Variants in EPHA3 observed in about 807,000 individuals in gnomAD.
The protein encoded by EPHA3 is EPH receptor A3.
Under a neutral mutation model 107.1 loss-of-function variants are expected in EPHA3, and 42 were observed. That is an observed-to-expected ratio of 0.39 (90% CI 0.31 to 0.51). The LOEUF (loss-of-function observed/expected upper bound fraction) is 0.51. Among genes scored for constraint, EPHA3 ranks in the 20% least tolerant of loss-of-function variants. The pLI, the probability that EPHA3 is intolerant of heterozygous loss-of-function variation, is 0.78. For synonymous variants in EPHA3, 461 were observed against 424.8 expected (o/e 1.09, Z -1.05); for missense variants, 1,183 against 1,211.2 (o/e 0.98, Z 0.35).
In EPHA3 at chr3:89,362,178, T is replaced by TA. The variant is rs145544942; in HGVS notation, c.1306+20089dup. 2.2e-3 allele frequency among the ~76,000 whole-genome samples: 335 copies of TA among 151,286 alleles called. 14 individuals carry two copies. In the East Asian group the frequency reaches 0.059, roughly 27 times the overall value. ...ATCTTCTTCAAGCGCAAGTAGCTGC[T>TA]ATTAATCCAGAAGATCTTCATTTCT... On this transcript the variant is annotated intron_variant, in intron 5 of 16. Coordinates refer to ENST00000336596, the MANE Select transcript of EPHA3 (RefSeq NM_005233.6).
rs564861603 is a variant in EPHA3 at position 89,353,466 on chromosome 3, T to C, written c.1306+11376T>C. Among the ~76,000 whole-genome samples the C allele has an allele frequency of 9.2e-5, 14 of 151,486 alleles. 1 individual carries two copies. In the South Asian group the frequency reaches 1.9e-3, roughly 20 times the overall value. The stretch of plus-strand genomic sequence containing the variant: ...TCAAAGTCTTAACATTTTGTTTATC[T>C]CAACAAACAAATGACGTCTGAATTT... On this transcript the variant is annotated intron_variant, in intron 5 of 16. Coordinates refer to ENST00000336596, the MANE Select transcript of EPHA3 (RefSeq NM_005233.6).
chr3:89,430,688 T>A (rs1576374060), intron 12 of EPHA3, among the ~76,000 whole-genome samples: 1 of 152,180 alleles, frequency 6.6e-6, no homozygotes, highest in East Asian at 1.9e-4. Flanking sequence ...AATTATGAAC[T>A]AATTATTTAT....
intron 5 of EPHA3, among the ~76,000 whole-genome samples, chr3:89,382,260 C>A (rs1406595806): frequency 6.6e-6 from 1 of 151,948 alleles, no homozygotes; most frequent in Non-Finnish European, 1.5e-5. Context: ...GTAATCTTGG[C>A]ACTTTGAGAG....
chr3:89,134,617 T>C (rs944121951), intron 2 of EPHA3, among the ~76,000 whole-genome samples: 1 of 152,206 alleles, frequency 6.6e-6, no homozygotes, highest in African/African-American at 2.4e-5. Flanking sequence ...CAGTCTATCA[T>C]TGTTCGACAT....
intron 4 of EPHA3, 145 bp downstream of exon 4, chr3:89,341,216 C>A: frequency 1.2e-6 from 1 of 818,068 alleles, no homozygotes. Context: ...CTTCACTCCC[C>A]ATGCTTGGCT....
At chr3:89,413,414 A>G in intron 10 of EPHA3, 148 bp downstream of exon 10, 1 of 1,032,420 alleles carries the variant, frequency 9.7e-7, no homozygotes, top group South Asian at 1.5e-5. Context: ...TATTTAATGG[A>G]ATGTAATGAG....
At chr3:89,475,371 A>G (rs1681569582) in intron 16 of EPHA3, among the ~76,000 whole-genome samples, 1 of 152,218 alleles carries the variant, frequency 6.6e-6, no homozygotes, top group Admixed American at 6.5e-5. Context: ...CTCCTAGAAT[A>G]GAAAAAGATA....
chr3:89,413,675 T>C (rs1335641844), intron 10 of EPHA3, among the ~76,000 whole-genome samples: 1 of 151,804 alleles, frequency 6.6e-6, no homozygotes, highest in Non-Finnish European at 1.5e-5. Context: ...CAAAGTAATA[T>C]CATGACTCAT....
At chr3:89,368,109 A>G (rs114188834) in intron 5 of EPHA3, among the ~76,000 whole-genome samples, 2,343 of 150,520 alleles carry the variant, frequency 0.016, 65 homozygotes, top group African/African-American at 0.054. Context: ...AGAGCTGAGC[A>G]GAAGATTTCA....
chr3:89,388,774 C>T (rs961848283), intron 5 of EPHA3, among the ~76,000 whole-genome samples: 6 of 152,166 alleles, frequency 3.9e-5, no homozygotes, highest in Middle Eastern at 3.2e-3. Context: ...CTATCATCTT[C>T]TTAAAAATAC....
rs1188065946 is a variant in EPHA3, at chr3:89,107,676, A to G, written c.-73A>G. On this transcript the variant is annotated 5_prime_UTR_variant, in exon 1 of 17. Coordinates refer to ENST00000336596, the MANE Select transcript of EPHA3 (RefSeq NM_005233.6). ...GAGCATGGTAACTTCTCCAGCAATC[A>G]GAGCGCTCCCCCTCACATCAGTGGC... 11 of 1,376,148 alleles carry G rather than the reference A, an allele frequency of 8.0e-6. No individual in the cohort carries two copies. Among genetic ancestry groups the G allele is most frequent in the Non-Finnish European group, 1.1e-5 (11 of 970,158 alleles). The allele number at this position is 1,376,148 out of a possible 1,614,324, so 85.2% of individuals were successfully genotyped here. A position where few individuals can be genotyped will look rare whatever the true frequency, so the allele number is the denominator to read the frequency against.
At chr3:89,129,247 A>G (rs1287446770) in intron 2 of EPHA3, among the ~76,000 whole-genome samples, 1 of 152,104 alleles carries the variant, frequency 6.6e-6, no homozygotes, top group Non-Finnish European at 1.5e-5. Flanking sequence ...TCTTTGGTTT[A>G]CTGTTGCCTC....
At chr3:89,144,140 GT>G (rs1017606267) in intron 2 of EPHA3, among the ~76,000 whole-genome samples, 1 of 151,556 alleles carries the variant, frequency 6.6e-6, no homozygotes, top group African/African-American at 2.4e-5. Flanking sequence ...AGTTCTGTTG[GT>G]TTTGCCAAAT....
At chr3:89,408,024 A>G in intron 8 of EPHA3, 43 bp from the exon 9 acceptor site, 1 of 1,569,378 alleles carries the variant, frequency 6.4e-7, no homozygotes, top group Non-Finnish European at 8.7e-7. Flanking sequence ...ACTATTTTAA[A>G]TATATTCCTC....
intron 5 of EPHA3, among the ~76,000 whole-genome samples, chr3:89,388,269 G>C (rs189954370): frequency 6.6e-6 from 1 of 152,210 alleles, no homozygotes; most frequent in East Asian, 1.9e-4. Context: ...TTCCATGGTA[G>C]ATTTATGCAA....
chr3:89,444,391 T>A (rs1479813676), intron 13 of EPHA3, among the ~76,000 whole-genome samples: 1 of 148,094 alleles, frequency 6.8e-6, no homozygotes, highest in African/African-American at 2.5e-5. Context: ...TTTTTTTTTT[T>A]ACTTCAAATT....
At chr3:89,422,069 G>A (rs140135398) in intron 11 of EPHA3, among the ~76,000 whole-genome samples, 5 of 151,116 alleles carry the variant, frequency 3.3e-5, no homozygotes, top group East Asian at 3.9e-4. Flanking sequence ...ATATAATAGA[G>A]TAGTAGCCCT....
chr3:89,181,734 C>T lies in EPHA3; in HGVS notation c.154-28126C>T, dbSNP rs775703869. ...AAATACCTTGTTCAAAAACTAACAA[C>T]TTTAAGATTGTGGCAGCAGATCGTT... On this transcript the variant is annotated intron_variant, in intron 2 of 16. Coordinates refer to ENST00000336596, the MANE Select transcript of EPHA3 (RefSeq NM_005233.6). 4.5e-4 allele frequency among the ~76,000 whole-genome samples: 68 copies of T among 152,096 alleles called. 1 individual carries two copies. The highest frequency in any genetic ancestry group is 4.1e-4 in the Non-Finnish European group (28 of 67,896).
intron 5 of EPHA3, among the ~76,000 whole-genome samples, chr3:89,342,884 C>A (rs1415157551): frequency 6.6e-6 from 1 of 151,314 alleles, no homozygotes; most frequent in East Asian, 1.9e-4. Context: ...CACACACACA[C>A]ACACACACAC....
Sources: gnomAD v4.1 joint callset for allele counts (sites outside exome capture counted in the v4.1 genomes callset) on GRCh38, gnomAD v4.1.1 for gene constraint, MANE v1.5 for transcripts, NCBI Gene and HGNC (gene_info 2026-07-23, HGNC 2026-07-21) for gene names.